HS3ST2: variants seen among roughly 807,000 people sequenced by gnomAD.
The protein encoded by HS3ST2 is heparan sulfate glucosamine 3-O-sulfotransferase 2.
A neutral mutation model predicts 26.3 loss-of-function variants in HS3ST2; 17 were observed. That is an observed-to-expected ratio of 0.65 (90% CI 0.44 to 0.97). The LOEUF is 0.97. HS3ST2 is among the 50% of genes least tolerant of loss of function. The pLI, the probability that HS3ST2 is intolerant of heterozygous loss-of-function variation, is 0.00. For synonymous variants in HS3ST2, 237 were observed against 219.2 expected, an observed-to-expected ratio of 1.08 and a Z score of -0.72; for missense variants, 402 against 501.2, an observed-to-expected ratio of 0.80 and a Z score of 1.89.
chr16:22,882,518 G>A (rs1902001982), intron 1 of HS3ST2, among the ~76,000 whole-genome samples: 1 of 152,080 alleles, frequency 6.6e-6, no homozygotes, highest in African/African-American at 2.4e-5. Flanking sequence ...CAGATCACTT[G>A]AGGTCAGGAG....
chr16:22,844,849 T>C (rs1313488041), intron 1 of HS3ST2, among the ~76,000 whole-genome samples: 1 of 151,892 alleles, frequency 6.6e-6, no homozygotes, highest in East Asian at 1.9e-4. Flanking sequence ...AAACCTCTTT[T>C]CTTTTCTTTC....
intron 1 of HS3ST2, among the ~76,000 whole-genome samples, chr16:22,898,248 T>C (rs919896027): frequency 7.9e-5 from 12 of 151,934 alleles, no homozygotes; most frequent in Non-Finnish European, 1.5e-4. Flanking sequence ...GGGAAGGCAA[T>C]AAACAGATAT....
chr16:22,828,128 C>T (rs553279370), intron 1 of HS3ST2, among the ~76,000 whole-genome samples: 4 of 152,266 alleles, frequency 2.6e-5, no homozygotes, highest in Non-Finnish European at 5.9e-5. Context: ...CTATCATAGA[C>T]GTCCCTAAAC....
Position 22,908,440 on chromosome 16 carries a change from T to C in HS3ST2, c.486-6504T>C, listed in dbSNP as rs572810177. ...AGTGTCTTAGTCCATTTTCTGTTGCTCATAACAGATTACCTGAAACTGGAT... is the reference window on the plus strand; with the variant it reads ...AGTGTCTTAGTCCATTTTCTGTTGCCCATAACAGATTACCTGAAACTGGAT... On this transcript the variant is annotated intron_variant, in intron 1 of 1. Coordinates refer to ENST00000261374, the MANE Select transcript of HS3ST2 (RefSeq NM_006043.2). Among the ~76,000 whole-genome samples the C allele has an allele frequency of 2.0e-5, 3 of 152,324 alleles. No individual in the cohort carries two copies. In the South Asian group the frequency reaches 6.2e-4, roughly 32 times the overall value.
intron 1 of HS3ST2, among the ~76,000 whole-genome samples, chr16:22,913,123 A>AAAGGAAGG (rs1159183388): frequency 0.019 from 1,758 of 94,078 alleles, 78 homozygotes; most frequent in East Asian, 0.094. Flanking sequence ...GAGAAGAAAG[A>AAAGGAAGG]AAGGAAGGAA....
rs200282129 is a variant in HS3ST2 at position 22,892,098 on chromosome 16, C to T, written c.486-22846C>T. Among the ~76,000 whole-genome samples, 4 of 141,300 alleles carry T rather than the reference C, an allele frequency of 2.8e-5. No individual in the cohort carries two copies. The East Asian group carries it at 8.2e-4, about 29-fold the overall frequency. 92.7% of individuals were successfully genotyped at this position (141,300 alleles called of 152,430 possible). A position where few individuals can be genotyped will look rare whatever the true frequency, so the allele number is the denominator to read the frequency against. On this transcript the variant is annotated intron_variant, in intron 1 of 1. Coordinates refer to ENST00000261374, the MANE Select transcript of HS3ST2 (RefSeq NM_006043.2). Reference sequence around the variant, plus strand: ...GATCATCCTGGCCAACACGGTGAAACCCCATCTCTACTAAAAAAAAAAAAA... The same window carrying T: ...GATCATCCTGGCCAACACGGTGAAATCCCATCTCTACTAAAAAAAAAAAAA...
rs566558059 is a variant in HS3ST2, at chr16:22,868,606, C to T, written c.486-46338C>T. Among the ~76,000 whole-genome samples, 372 of 152,094 alleles carry T rather than the reference C, an allele frequency of 2.4e-3. 2 individuals are homozygous for T. The highest frequency in any genetic ancestry group is 8.7e-3 in the African/African-American group (359 of 41,496). ...GCCAACAGCAGTTAAGTTTCAGATC[C>T]ATTTCTGAGCCTGGGCCCTACCCAG... On this transcript the variant is annotated intron_variant, in intron 1 of 1. Transcript: ENST00000261374.
intron 1 of HS3ST2, among the ~76,000 whole-genome samples, chr16:22,901,093 C>T (rs1902277124): frequency 6.6e-6 from 1 of 152,146 alleles, no homozygotes; most frequent in Non-Finnish European, 1.5e-5. Context: ...GGGACTCTCG[C>T]AGCTTTGACC....
chr16:22,874,161 GC>G (rs535964093), intron 1 of HS3ST2, among the ~76,000 whole-genome samples: 75 of 152,276 alleles, frequency 4.9e-4, no homozygotes, highest in African/African-American at 1.7e-3. Flanking sequence ...CAAACAGCAG[GC>G]CCCTTCAGGA....
At chr16:22,908,169 G>C (rs1206426080) in intron 1 of HS3ST2, among the ~76,000 whole-genome samples, 1 of 152,146 alleles carries the variant, frequency 6.6e-6, no homozygotes, top group Non-Finnish European at 1.5e-5. Context: ...TGGAATGTAG[G>C]CCATTGAGAA....
At chr16:22,829,812 A>G (rs1033981622) in intron 1 of HS3ST2, among the ~76,000 whole-genome samples, 2 of 152,090 alleles carry the variant, frequency 1.3e-5, no homozygotes, top group African/African-American at 4.8e-5. Flanking sequence ...GTGATAAGAA[A>G]GTGTTTGATT....
At chr16:22,882,964 G>A (rs1902010611) in intron 1 of HS3ST2, among the ~76,000 whole-genome samples, 5 of 151,560 alleles carry the variant, frequency 3.3e-5, no homozygotes, top group Admixed American at 2.6e-4. Context: ...CCAGGAGGCA[G>A]AGGTTGCAGT....
At chr16:22,911,762 T>A (rs1331174324) in intron 1 of HS3ST2, among the ~76,000 whole-genome samples, 6 of 152,184 alleles carry the variant, frequency 3.9e-5, no homozygotes. Context: ...TCCGGGATGA[T>A]CTCATATGCA....
chr16:22,897,247 T>C (rs1902223039), intron 1 of HS3ST2, among the ~76,000 whole-genome samples: 1 of 152,228 alleles, frequency 6.6e-6, no homozygotes, highest in Non-Finnish European at 1.5e-5. Context: ...TTTTTTTTTA[T>C]TTTGCCCATT....
intron 1 of HS3ST2, among the ~76,000 whole-genome samples, chr16:22,827,874 T>C (rs912041122): frequency 8.6e-5 from 13 of 151,934 alleles, no homozygotes; most frequent in Non-Finnish European, 1.9e-4. Context: ...CATGCCCGGC[T>C]AATTTTTGTA....
chr16:22,879,295 C>G (rs1901957342), intron 1 of HS3ST2, among the ~76,000 whole-genome samples: 1 of 152,198 alleles, frequency 6.6e-6, no homozygotes, highest in Non-Finnish European at 1.5e-5. Context: ...GTTTCAGTGT[C>G]TTGTAGATGG....
Position 22,913,283 on chromosome 16 carries a change from G to A in HS3ST2, c.486-1661G>A, listed in dbSNP as rs140043197. Among the ~76,000 whole-genome samples, 614 of 152,094 alleles carry A rather than the reference G, an allele frequency of 4.0e-3. 5 individuals are homozygous for A. The highest frequency in any genetic ancestry group is 0.014 in the African/African-American group (586 of 41,468). On this transcript the variant is annotated intron_variant, in intron 1 of 1. Coordinates refer to ENST00000261374, the MANE Select transcript of HS3ST2 (RefSeq NM_006043.2). Reference sequence around the variant, plus strand: ...ACTATGACCTTCATCAAGAAGTAGCGGTTGGGAACCAGGGATGCTCCCGTC... The same window carrying A: ...ACTATGACCTTCATCAAGAAGTAGCAGTTGGGAACCAGGGATGCTCCCGTC...
At chr16:22,815,135 A>G in intron 1 of HS3ST2, 40 bp downstream of exon 1, 4 of 1,601,756 alleles carry the variant, frequency 2.5e-6, no homozygotes, top group Non-Finnish European at 3.4e-6. Context: ...CGGGTCTCTG[A>G]TCGCTTCCAT....
At chr16:22,839,495 C>T (rs1046777747) in intron 1 of HS3ST2, among the ~76,000 whole-genome samples, 9 of 152,298 alleles carry the variant, frequency 5.9e-5, no homozygotes, top group East Asian at 3.9e-4. Context: ...CATTTCACAA[C>T]GTTTTTTTCT....
Sources: allele counts gnomAD v4.1 joint callset (sites outside exome capture counted in the v4.1 genomes callset), GRCh38; gene constraint gnomAD v4.1.1; transcripts MANE v1.5; gene names NCBI Gene and HGNC (gene_info 2026-07-23, HGNC 2026-07-21).